SH3KBP1: variants seen among roughly 807,000 people sequenced by gnomAD.
SH3KBP1 encodes SH3 domain-containing kinase-binding protein 1.
SH3KBP1 carries 8 observed loss-of-function variants against 50.1 expected under a neutral mutation model. The observed-to-expected ratio is 0.16, with a 90% CI of 0.09 to 0.29. SH3KBP1 has a LOEUF of 0.29. Among genes scored for constraint, SH3KBP1 ranks in the 10% least tolerant of loss-of-function variants. The pLI is 1.00. For missense variants in SH3KBP1, 377 were observed against 535.2 expected (o/e 0.70, Z 2.92); for synonymous variants, 227 against 218.6 (o/e 1.04, Z -0.34).
chrX:19,769,174 T>C (rs1467516972), intron 2 of SH3KBP1, among the ~76,000 whole-genome samples: 1 of 100,469 alleles, frequency 1.0e-5, no homozygotes, highest in Non-Finnish European at 2.0e-5. Flanking sequence ...AACCTCCACC[T>C]CCCAGGCTCA....
At chrX:19,585,213 G>A (rs189860775) in intron 12 of SH3KBP1, among the ~76,000 whole-genome samples, 10 of 109,092 alleles carry the variant, frequency 9.2e-5, no homozygotes, top group African/African-American at 3.4e-4. Context: ...CATACTAAAT[G>A]TACTAAATGT....
At chrX:19,543,597 G>A (rs537615114) in intron 15 of SH3KBP1, among the ~76,000 whole-genome samples, 1 of 111,810 alleles carries the variant, frequency 8.9e-6, no homozygotes, top group African/African-American at 3.3e-5. Flanking sequence ...CAGAAACTTG[G>A]TTGAGGCAGG....
At chrX:19,779,673 C>A (rs1482189708) in intron 2 of SH3KBP1, among the ~76,000 whole-genome samples, 1 of 102,678 alleles carries the variant, frequency 9.7e-6, no homozygotes, top group African/African-American at 3.6e-5. Flanking sequence ...TGAGAATATG[C>A]AGTGTTTGGT....
intron 9 of SH3KBP1, among the ~76,000 whole-genome samples, chrX:19,598,748 G>A (rs1447889762): frequency 2.7e-5 from 3 of 111,236 alleles, no homozygotes; most frequent in South Asian, 3.8e-4. Context: ...ACACAACATC[G>A]ATCAATTAAG....
chrX:19,838,532 G>A (rs952301784), intron 1 of SH3KBP1, among the ~76,000 whole-genome samples: 4 of 112,107 alleles, frequency 3.6e-5, no homozygotes, highest in African/African-American at 1.3e-4. Flanking sequence ...TGGGTCAGCT[G>A]CTTGAAAAGA....
intron 7 of SH3KBP1, among the ~76,000 whole-genome samples, chrX:19,640,543 G>A (rs1482454112): frequency 8.4e-5 from 9 of 106,792 alleles, no homozygotes; most frequent in Middle Eastern, 4.8e-3. Flanking sequence ...CACGTCCCCC[G>A]GTGTGCAGTC....
Position 19,818,454 on chromosome X carries a change from G to A in SH3KBP1, c.162+17671C>T, listed in dbSNP as rs774020544. Among the ~76,000 whole-genome samples the A allele has an allele frequency of 1.9e-4, 21 of 111,201 alleles. 1 individual carries two copies. The highest frequency in any genetic ancestry group is 2.8e-4 in the Non-Finnish European group (15 of 52,958). ...CTCTAGCTAGGACTTCCAGTATTAC[G>A]TTGAATGAGACTGGTAAGAGCAGAC... On this transcript the variant is annotated intron_variant, in intron 2 of 17. Coordinates refer to ENST00000397821, the MANE Select transcript of SH3KBP1 (RefSeq NM_031892.3).
chrX:19,538,417 C>G (rs1017541016), intron 16 of SH3KBP1, among the ~76,000 whole-genome samples: 12 of 109,544 alleles, frequency 1.1e-4, no homozygotes, highest in African/African-American at 4.0e-4. Context: ...CTATGTTGCC[C>G]AGGCTGGTCT....
At chrX:19,795,849 C>T (rs1263822166) in intron 2 of SH3KBP1, among the ~76,000 whole-genome samples, 3 of 111,169 alleles carry the variant, frequency 2.7e-5, no homozygotes, top group African/African-American at 9.8e-5. Flanking sequence ...ATTCAACAGC[C>T]GTACCCTCAT....
chrX:19,843,008 CTTTTTTTTTT>C (rs1208728077), intron 1 of SH3KBP1, among the ~76,000 whole-genome samples: 3 of 65,182 alleles, frequency 4.6e-5, no homozygotes, highest in Non-Finnish European at 7.9e-5. Context: ...CGTGCATCAA[CTTTTTTTTTT>C]TTTTTTTTTT....
intron 2 of SH3KBP1, among the ~76,000 whole-genome samples, chrX:19,809,311 G>A (rs1037031788): frequency 4.5e-5 from 5 of 111,709 alleles, no homozygotes; most frequent in Non-Finnish European, 9.4e-5. Context: ...AGATCACGAG[G>A]TCAGGAGATC....
intron 2 of SH3KBP1, among the ~76,000 whole-genome samples, chrX:19,749,539 T>C (rs1450244808): frequency 3.5e-5 from 4 of 113,001 alleles, no homozygotes; most frequent in Non-Finnish European, 5.6e-5. Flanking sequence ...GAAAACATTA[T>C]GCTAAGTGAA....
intron 6 of SH3KBP1, among the ~76,000 whole-genome samples, chrX:19,660,098 G>A (rs891006013): frequency 2.7e-5 from 3 of 112,499 alleles, no homozygotes; most frequent in Non-Finnish European, 3.8e-5. Flanking sequence ...GAATAAACCC[G>A]TGCCACTTTC....
At chrX:19,875,722 C>T (rs1050126864) in intron 1 of SH3KBP1, among the ~76,000 whole-genome samples, 7 of 112,621 alleles carry the variant, frequency 6.2e-5, no homozygotes, top group African/African-American at 2.3e-4. Context: ...CTCAGTCTCA[C>T]TAACAAAAAT....
chrX:19,812,029 T>C (rs992128333), intron 2 of SH3KBP1, among the ~76,000 whole-genome samples: 3 of 111,811 alleles, frequency 2.7e-5, no homozygotes, highest in African/African-American at 9.8e-5. Context: ...CACCTGCCTC[T>C]AGAAACCCAG....
At chrX:19,883,371 A>AG (rs1224113474) in intron 1 of SH3KBP1, among the ~76,000 whole-genome samples, 1 of 112,664 alleles carries the variant, frequency 8.9e-6, no homozygotes, top group Non-Finnish European at 1.9e-5. Context: ...CATGGTTCTC[A>AG]GCAGCTTGCT....
At chrX:19,579,668 G>A (rs1428019889) in intron 12 of SH3KBP1, among the ~76,000 whole-genome samples, 1 of 111,994 alleles carries the variant, frequency 8.9e-6, no homozygotes, top group Non-Finnish European at 1.9e-5. Context: ...TGTGTGGGAG[G>A]AAGGAAAGAG....
intron 15 of SH3KBP1, among the ~76,000 whole-genome samples, chrX:19,544,692 G>A (rs897798665): frequency 8.9e-6 from 1 of 111,742 alleles, no homozygotes; most frequent in Non-Finnish European, 1.9e-5. Context: ...TATATGACAC[G>A]CTCTCCCGGC....
intron 16 of SH3KBP1, among the ~76,000 whole-genome samples, chrX:19,539,963 G>A (rs1351073786): frequency 4.5e-5 from 5 of 111,433 alleles, no homozygotes; most frequent in Non-Finnish European, 9.4e-5. Flanking sequence ...CGGAAGCACA[G>A]GGCATTTCAG....
Sources: allele counts gnomAD v4.1 joint callset (sites outside exome capture counted in the v4.1 genomes callset), GRCh38; gene constraint gnomAD v4.1.1; transcripts MANE v1.5; gene names NCBI Gene and HGNC (gene_info 2026-07-23, HGNC 2026-07-21).